Variants in ZFHX3 observed in about 807,000 individuals in gnomAD.
The protein encoded by ZFHX3 is zinc finger homeobox protein 3.
ZFHX3 carries 42 observed loss-of-function variants against 279.1 expected under a neutral mutation model. That is an observed-to-expected ratio of 0.15 (90% CI 0.12 to 0.19). ZFHX3 has a LOEUF of 0.19. Ranked by LOEUF, ZFHX3 falls within the 10% of genes least tolerant of loss-of-function variation. The pLI is 1.00. For missense variants in ZFHX3, 4,981 were observed against 4,754.0 expected (o/e 1.05, Z -1.40); for synonymous variants, 2,293 against 1,957.8 (o/e 1.17, Z -4.52).
At chr16:72,821,635 A>G (rs1311748948) in intron 5 of ZFHX3, among the ~76,000 whole-genome samples, 1 of 152,200 alleles carries the variant, frequency 6.6e-6, no homozygotes, top group Non-Finnish European at 1.5e-5. Flanking sequence ...ATAAAGCACA[A>G]TATTTTGTAG....
intron 1 of ZFHX3, chr16:73,014,251 T>C (rs1362914735): frequency 2.0e-5 from 3 of 151,846 alleles, no homozygotes; most frequent in Non-Finnish European, 4.4e-5. Flanking sequence ...CTGAAACTGA[T>C]TTCAGACTTC....
chr16:72,991,567 C>T (rs1387808962), intron 1 of ZFHX3, among the ~76,000 whole-genome samples: 6 of 152,182 alleles, frequency 3.9e-5, no homozygotes, highest in Non-Finnish European at 2.9e-5. Context: ...GTATTTAGCA[C>T]AGTAGATGCT....
At chr16:73,230,285 C>T (rs917363657) in intron 5 of ZFHX3, among the ~76,000 whole-genome samples, 1 of 152,178 alleles carries the variant, frequency 6.6e-6, no homozygotes, top group Non-Finnish European at 1.5e-5. Context: ...TGATTGTACC[C>T]AACTGGAATG....
chr16:73,690,800 C>T (rs1242595553), intron 1 of ZFHX3, among the ~76,000 whole-genome samples: 1 of 152,334 alleles, frequency 6.6e-6, no homozygotes, highest in South Asian at 2.1e-4. Context: ...TCCCTAGTGC[C>T]AGACAAATGA....
In ZFHX3 at chr16:72,788,105, C is replaced by G. The variant is rs376557775; in HGVS notation, c.10171G>C (p.Val3391Leu). 159 of 1,608,334 alleles carry G rather than the reference C, an allele frequency of 9.9e-5. 1 individual carries two copies. The highest frequency in any genetic ancestry group is 6.6e-4 in the Middle Eastern group (4 of 6,064). The change falls in exon 10 of 10, where the codon GTG becomes CTG. Residue 3391 changes from valine to leucine, a missense_variant. This residue lies in a region of ZFHX3 where 1,034 missense variants were observed against 786.0 expected (regional missense o/e 1.32). Coordinates refer to ENST00000268489, the MANE Select transcript of ZFHX3 (RefSeq NM_006885.4). ...CTTGCTTTGGGCTGCTGCTGCTGCA[C>G]TTTTTGCTGCTGCTGCTGCTGTAGT... The part of the protein sequence containing the change: ...RQLQQQQQQK[V>L]QQQQPKASQT...
chr16:73,621,188 T>C (rs2052358048), intron 2 of ZFHX3, among the ~76,000 whole-genome samples: 1 of 152,196 alleles, frequency 6.6e-6, no homozygotes, highest in African/African-American at 2.4e-5. Flanking sequence ...CTTTATCCCT[T>C]TTAACTCCTT....
intron 3 of ZFHX3, among the ~76,000 whole-genome samples, chr16:73,377,924 T>C (rs2016750088): frequency 1.3e-5 from 2 of 149,384 alleles, no homozygotes; most frequent in Admixed American, 6.7e-5. Context: ...TCCCAGCTAC[T>C]CAGGAGGCTG....
intron 1 of ZFHX3, among the ~76,000 whole-genome samples, chr16:72,992,023 A>C (rs899198126): frequency 6.6e-6 from 1 of 152,220 alleles, no homozygotes; most frequent in South Asian, 2.1e-4. Context: ...CAGTACAAAG[A>C]AACAACAGAA....
At chr16:73,114,481 A>G (rs1246322944) in intron 7 of ZFHX3, among the ~76,000 whole-genome samples, 1 of 151,614 alleles carries the variant, frequency 6.6e-6, no homozygotes, top group Non-Finnish European at 1.5e-5. Flanking sequence ...TTTAAGACCA[A>G]CCTGGGCAAC....
At chr16:73,306,610 A>G (rs1353011587) in intron 4 of ZFHX3, among the ~76,000 whole-genome samples, 4 of 152,236 alleles carry the variant, frequency 2.6e-5, no homozygotes, top group Non-Finnish European at 2.9e-5. Flanking sequence ...GGCGTGAGCC[A>G]CTGCATCTGG....
chr16:73,314,976 C>T (rs371667329), intron 4 of ZFHX3, among the ~76,000 whole-genome samples: 65 of 152,280 alleles, frequency 4.3e-4, no homozygotes, highest in African/African-American at 1.4e-3. Flanking sequence ...GCCTGTAATT[C>T]CAGCACTTTG....
At chr16:72,827,865 G>T (rs541274114) in intron 5 of ZFHX3, among the ~76,000 whole-genome samples, 6 of 152,192 alleles carry the variant, frequency 3.9e-5, no homozygotes, top group Non-Finnish European at 1.5e-5. Context: ...AATCCACCTG[G>T]TGTGCTGCCC....
At chr16:73,292,275 T>G (rs2014791386) in intron 4 of ZFHX3, among the ~76,000 whole-genome samples, 1 of 152,048 alleles carries the variant, frequency 6.6e-6, no homozygotes. Context: ...CAGCACAGGG[T>G]GTGACATGTG....
At chr16:72,937,345 A>C (rs1960178101) in intron 3 of ZFHX3, among the ~76,000 whole-genome samples, 1 of 152,256 alleles carries the variant, frequency 6.6e-6, no homozygotes, top group African/African-American at 2.4e-5. Context: ...GTGAAGTCAC[A>C]GAAGAGAAGC....
At chr16:73,103,706 G>T (rs948779359) in intron 7 of ZFHX3, among the ~76,000 whole-genome samples, 1 of 152,122 alleles carries the variant, frequency 6.6e-6, no homozygotes, top group African/African-American at 2.4e-5. Context: ...ACTAAAATGC[G>T]GAGATTAAGC....
chr16:73,071,004 C>T (rs1965820158), intron 8 of ZFHX3, among the ~76,000 whole-genome samples: 2 of 109,870 alleles, frequency 1.8e-5, no homozygotes, highest in African/African-American at 6.9e-5. Context: ...CCCTCCCCTA[C>T]CCCGCCCCCC....
Position 72,989,231 on chromosome 16 carries a change from T to C in ZFHX3, c.-49-29037A>G, listed in dbSNP as rs540439818. On this transcript the variant is annotated intron_variant, in intron 1 of 9. Transcript: ENST00000268489. ...CAGGTGCGGCTGTTCATGACTATAATACCAGCACCTTGGGAGGCCGAAGCG... is the reference window on the plus strand; with the variant it reads ...CAGGTGCGGCTGTTCATGACTATAACACCAGCACCTTGGGAGGCCGAAGCG... 2.4e-4 allele frequency among the ~76,000 whole-genome samples: 36 copies of C among 151,352 alleles called. No individual in the cohort carries two copies. The South Asian group carries it at 3.6e-3, about 15-fold the overall frequency.
intron 1 of ZFHX3, among the ~76,000 whole-genome samples, chr16:72,993,684 G>A (rs1036598789): frequency 6.6e-6 from 1 of 151,884 alleles, no homozygotes; most frequent in Non-Finnish European, 1.5e-5. Flanking sequence ...TATCTGTTTT[G>A]TACTTAAAAA....
chr16:73,311,555 A>T (rs969083353), intron 4 of ZFHX3, among the ~76,000 whole-genome samples: 2 of 146,068 alleles, frequency 1.4e-5, no homozygotes, highest in Admixed American at 7.2e-5. Flanking sequence ...ATGCCACAGC[A>T]CTCCAGCCTG....
Sources: allele counts gnomAD v4.1 joint callset (sites outside exome capture counted in the v4.1 genomes callset), GRCh38; gene constraint gnomAD v4.1.1; regional missense constraint gnomAD v4.1.1; transcripts MANE v1.5; gene names NCBI Gene and HGNC (gene_info 2026-07-23, HGNC 2026-07-21).